OR7E24: variants seen among roughly 807,000 people sequenced by gnomAD.
OR7E24 encodes the protein olfactory receptor family 7 subfamily E member 24, also known as olfactory receptor 7E24.
For missense variants in OR7E24, 385 were observed against 410.3 expected (o/e 0.94, Z 0.53); for synonymous variants, 130 against 157.5 (o/e 0.83, Z 1.31).
chr19:9,235,379 C>T, the OR7E24 span: 31,095 of 1,540,076 alleles, frequency 0.02, 439 homozygotes, highest in East Asian at 0.072. Flanking sequence ...ACCACAGTCC[C>T]CAAGATGCTA....
the OR7E24 span, among the ~76,000 whole-genome samples, chr19:9,221,357 T>C: frequency 1.1e-5 from 1 of 94,198 alleles, no homozygotes; most frequent in African/African-American, 4.5e-5. Flanking sequence ...TTTTTTTTTT[T>C]TTTTTTTTTT....
the OR7E24 span, among the ~76,000 whole-genome samples, chr19:9,218,298 G>T: frequency 6.6e-6 from 1 of 152,112 alleles, no homozygotes; most frequent in African/African-American, 2.4e-5. Flanking sequence ...TTAAAATAAT[G>T]ATAAATGAAG....
chr19:9,221,541 G>A, the OR7E24 span, among the ~76,000 whole-genome samples: 10 of 109,378 alleles, frequency 9.1e-5, no homozygotes, highest in African/African-American at 4.9e-4. Context: ...TAGTAGAGAC[G>A]GGGTTATCAC....
chr19:9,251,907 G>A lies in OR7E24; in HGVS notation c.864G>A (p.Lys288=), dbSNP rs200671636. 2.5e-5 allele frequency: 41 copies of A among 1,614,196 alleles called. No homozygotes were observed. Among genetic ancestry groups the A allele is most frequent in the Admixed American group, 3.3e-5 (2 of 60,020 alleles). Residue 288 remains lysine, a synonymous_variant, in exon 1 of 1, where the codon AAG becomes AAA. Transcript: ENST00000456448. The part of the protein sequence containing the change: ...LSSAVLPSPR[K]SMVASVMYTV... ...CAGCTGTGTTACCATCCCCCAGGAA[G>A]AGTATGGTGGCTTCAGTGATGTACA...
chr19:9,217,766 T>A, the OR7E24 span, among the ~76,000 whole-genome samples: 1 of 152,186 alleles, frequency 6.6e-6, no homozygotes, highest in Non-Finnish European at 1.5e-5. Context: ...CTCGAACTAC[T>A]GACCTCAAGT....
In OR7E24 at chr19:9,251,546, T is replaced by G. The variant is rs1381027881; in HGVS notation, c.503T>G (p.Phe168Cys). 1.2e-6 allele frequency: 2 copies of G among 1,614,038 alleles called. No homozygotes were observed. The highest frequency in any genetic ancestry group is 2.7e-5 in the African/African-American group (2 of 74,916). Residue 168 changes from phenylalanine (F) to cysteine (C), a missense_variant, in exon 1 of 1, where the codon TTT becomes TGT. By Grantham distance (205) the Phe-to-Cys change is radical. Transcript: ENST00000456448. Reference sequence around the variant, plus strand: ...GGCTTCTTAATCTTGTTGTCTTTTTTTATTAGTCTTTTGGACTCCCAGTTG... The same window carrying G: ...GGCTTCTTAATCTTGTTGTCTTTTTGTATTAGTCTTTTGGACTCCCAGTTG... ...LCGFLILLSF[F>C]ISLLDSQLHN... is the part of the protein sequence containing the mutation.
At chr19:9,217,784 C>T in the OR7E24 span, among the ~76,000 whole-genome samples, 1 of 152,118 alleles carries the variant, frequency 6.6e-6, no homozygotes, top group Non-Finnish European at 1.5e-5. Context: ...AGTGATCTGC[C>T]CACCTCGGCC....
In OR7E24 at chr19:9,251,918, C is replaced by T; in HGVS notation, c.875C>T (p.Ala292Val). The T allele has an allele frequency of 6.2e-7, 1 of 1,614,150 alleles. No homozygotes were observed. The highest frequency in any genetic ancestry group is 8.5e-7 in the Non-Finnish European group (1 of 1,180,022). Residue 292 changes from alanine to valine, a missense_variant, in exon 1 of 1, where the codon GCT (alanine) becomes GTT (valine). By Grantham distance (64) the Ala-to-Val change is moderately conservative (BLOSUM62 0). Transcript: ENST00000456448. ...VLPSPRKSMV[A>V]SVMYTVVTPM... ...CCATCCCCCAGGAAGAGTATGGTGGCTTCAGTGATGTACACTGTGGTCACC... is the reference window on the plus strand; with the variant it reads ...CCATCCCCCAGGAAGAGTATGGTGGTTTCAGTGATGTACACTGTGGTCACC...
the OR7E24 span, chr19:9,214,859 G>A: frequency 6.6e-7 from 1 of 1,518,898 alleles, no homozygotes; most frequent in African/African-American, 1.4e-5. Context: ...GTCTGCTGGG[G>A]AAGGAGGAAA....
chr19:9,236,054 T>C, the OR7E24 span: 1 of 1,583,288 alleles, frequency 6.3e-7, no homozygotes, highest in South Asian at 1.1e-5. Flanking sequence ...CTGGGGAGAC[T>C]CCTTAGCAGG....
At chr19:9,220,194 C>T in the OR7E24 span, among the ~76,000 whole-genome samples, 2 of 152,072 alleles carry the variant, frequency 1.3e-5, no homozygotes, top group Non-Finnish European at 1.5e-5. Flanking sequence ...GGTGAGAACA[C>T]TTAATATCCA....
chr19:9,236,517 A>C, the OR7E24 span, among the ~76,000 whole-genome samples: 1 of 151,968 alleles, frequency 6.6e-6, no homozygotes, highest in Non-Finnish European at 1.5e-5. Flanking sequence ...CTGAAAAAAA[A>C]GAAAAAAAAG....
chr19:9,224,592 CTAAAAAA>C, the OR7E24 span, among the ~76,000 whole-genome samples: 3 of 151,794 alleles, frequency 2.0e-5, no homozygotes, highest in Non-Finnish European at 4.4e-5. Flanking sequence ...CCTGTCTCTA[CTAAAAAA>C]TAAAAAATAC....
the OR7E24 span, among the ~76,000 whole-genome samples, chr19:9,227,088 C>T: frequency 6.6e-6 from 1 of 152,178 alleles, no homozygotes. Context: ...TAGTTCCCCT[C>T]TCTGTGTCCA....
the OR7E24 span, among the ~76,000 whole-genome samples, chr19:9,223,159 A>G: frequency 1.3e-5 from 2 of 152,194 alleles, no homozygotes; most frequent in African/African-American, 4.8e-5. Flanking sequence ...TCTTTTCAAG[A>G]TAGAAGGAGC....
chr19:9,221,229 G>C, the OR7E24 span, among the ~76,000 whole-genome samples: 80 of 147,628 alleles, frequency 5.4e-4, no homozygotes, highest in African/African-American at 2.0e-3. Context: ...CCGAGATCGC[G>C]CCACTGCACT....
At chr19:9,235,782 G>A in the OR7E24 span, 27 of 1,609,878 alleles carry the variant, frequency 1.7e-5, no homozygotes, top group East Asian at 5.4e-4. Flanking sequence ...CTGTAGCTGG[G>A]ATCCTCTTCT....
chr19:9,210,245 A>G, the OR7E24 span: 1 of 152,298 alleles, frequency 6.6e-6, no homozygotes, highest in South Asian at 2.1e-4. Context: ...TTATTATATC[A>G]GTCATTGACA....
the OR7E24 span, among the ~76,000 whole-genome samples, chr19:9,218,631 T>C: frequency 1.8e-4 from 27 of 152,070 alleles, no homozygotes; most frequent in African/African-American, 6.5e-4. Context: ...AACATGCAAA[T>C]GGATTTTTTT....
Sources: gnomAD v4.1 joint callset for allele counts (sites outside exome capture counted in the v4.1 genomes callset) on GRCh38, gnomAD v4.1.1 for gene constraint, MANE v1.5 for transcripts, NCBI Gene and HGNC (gene_info 2026-07-23, HGNC 2026-07-21) for gene names.